The following BOK variants were observed in gnomAD, a reference collection of about 807,000 sequenced individuals.
BOK encodes BCL2 family apoptosis regulator BOK.
BOK carries 20 observed loss-of-function variants against 18.3 expected under a neutral mutation model. The ratio of observed to expected loss-of-function variants is 1.09; its 90% CI spans 0.77 to 1.59. The LOEUF (loss-of-function observed/expected upper bound fraction) is 1.59, where lower values mean the gene tolerates loss of function less well. BOK is among the 40% of genes most tolerant of loss of function. The pLI is 0.00. For synonymous variants in BOK, 173 were observed against 142.4 expected, an observed-to-expected ratio of 1.21 and a Z score of -1.53; for missense variants, 348 against 307.9, an observed-to-expected ratio of 1.13 and a Z score of -0.97.
intron 3 of BOK, among the ~76,000 whole-genome samples, chr2:241,563,966 G>A (rs908892192): frequency 6.6e-6 from 1 of 152,144 alleles, no homozygotes; most frequent in Non-Finnish European, 1.5e-5. Flanking sequence ...CGTCTCCTCC[G>A]ACCCCTGGTG....
At chr2:241,557,581 G>C (rs1347676259), upstream of BOK, among the ~76,000 whole-genome samples, 2 of 151,700 alleles carry the variant, frequency 1.3e-5, no homozygotes, top group Non-Finnish European at 2.9e-5. Context: ...CAAAATGCTG[G>C]GATTACAGGT....
chr2:241,572,168 G>A (rs530853985), intron 4 of BOK, 129 bp from the exon 5 acceptor site: 29 of 1,403,360 alleles, frequency 2.1e-5, no homozygotes, highest in East Asian at 5.0e-5. Context: ...CCTCCTTCCC[G>A]AACAGTCTCC....
intron 3 of BOK, among the ~76,000 whole-genome samples, chr2:241,565,625 C>T (rs2066598735): frequency 6.6e-6 from 1 of 152,222 alleles, no homozygotes; most frequent in African/African-American, 2.4e-5. Flanking sequence ...GGTGTGCGCC[C>T]TGCCCAGCCC....
At position 241,567,077 on chromosome 2, in the gene BOK, C is replaced by CCTGTCTTT. The variant is rs1382309611; in HGVS notation, c.350-3045_350-3038dup. On this transcript the variant is annotated intron_variant, in intron 3 of 4. Transcript: ENST00000318407. ...GCTGGTGCCTCCGGACTCCTGTCTT[C>CCTGTCTTT]CTGTCTTTCTTTCCCATCCACCCCT... is the stretch of plus-strand genomic sequence containing the variant. 1.5e-5 allele frequency among the ~76,000 whole-genome samples: 2 copies of CCTGTCTTT among 133,596 alleles called. 1 individual carries two copies. The highest frequency in any genetic ancestry group is 5.9e-5 in the African/African-American group (2 of 33,936). 87.6% of individuals were successfully genotyped at this position (133,596 alleles called of 152,430 possible). A position where few individuals can be genotyped will look rare whatever the true frequency, so the allele number is the denominator to read the frequency against.
Position 241,574,093 on chromosome 2 carries a change from G to A in BOK, c.*1671G>A, listed in dbSNP as rs1005885789. The A allele has an allele frequency of 5.3e-5, 8 of 152,242 alleles. No individual in the cohort carries two copies. The highest frequency in any genetic ancestry group is 7.3e-5 in the Non-Finnish European group (5 of 68,066). The allele number at this position is 152,242 out of a possible 1,614,324, so 9.4% of individuals were successfully genotyped here. On this transcript the variant is annotated 3_prime_UTR_variant, in exon 5 of 5. Transcript: ENST00000318407. ...CATTGAGATCCCACTGGAGGGTAGG[G>A]GTGGTAATAAACTTCTCCAAACGAT...
intron 2 of BOK, 103 bp downstream of exon 2, chr2:241,559,806 C>G (rs1439208398): frequency 8.2e-7 from 1 of 1,217,656 alleles, no homozygotes; most frequent in Non-Finnish European, 1.0e-6. Context: ...GCGCCCACCC[C>G]CTGCCTGGGA....
chr2:241,552,645 G>A (rs1332339474), intron 1 of BOK, among the ~76,000 whole-genome samples: 2 of 152,196 alleles, frequency 1.3e-5, no homozygotes, highest in African/African-American at 4.8e-5. Context: ...CTGCAAGTAT[G>A]TACTTTCCCC....
Position 241,573,599 on chromosome 2 carries a change from G to C in BOK, c.*1177G>C, listed in dbSNP as rs1460280483. ...TTGTGCGGTGGGGACCGGGGCCGGCGGGCTCCAGGCCAGCACACCTAACCC... is the reference window on the plus strand; with the variant it reads ...TTGTGCGGTGGGGACCGGGGCCGGCCGGCTCCAGGCCAGCACACCTAACCC... On this transcript the variant is annotated 3_prime_UTR_variant, in exon 5 of 5. Transcript: ENST00000318407. 1 of 152,320 alleles carries C rather than the reference G, an allele frequency of 6.6e-6. No individual in the cohort carries two copies. Among genetic ancestry groups the C allele is most frequent in the Non-Finnish European group, 1.5e-5 (1 of 68,136 alleles). 9.4% of individuals were successfully genotyped at this position (152,320 alleles called of 1,614,324 possible). A position where few individuals can be genotyped will look rare whatever the true frequency, so the allele number is the denominator to read the frequency against.
Position 241,560,256 on chromosome 2 carries a change from G to A in BOK, c.220+553G>A, listed in dbSNP as rs527837076. ...ACACGGTCCACTGGCTGCCCCCACCGTCTCCAAGGTCTGGACCCAAGAGGG... is the reference window on the plus strand; with the variant it reads ...ACACGGTCCACTGGCTGCCCCCACCATCTCCAAGGTCTGGACCCAAGAGGG... On this transcript the variant is annotated intron_variant, in intron 2 of 4. Transcript: ENST00000318407. The A allele has an allele frequency of 4.3e-5, 42 of 985,422 alleles. No homozygotes were observed. The South Asian group carries it at 8.5e-4, about 20-fold the overall frequency. The allele number at this position is 985,422 out of a possible 1,614,324, so 61.0% of individuals were successfully genotyped here.
rs115662080 is a variant in BOK, at chr2:241,567,129, G to A, written c.350-2996G>A. ...TGGAGTGGAAATGTTGCCATCACTC[G>A]GAACATAGTATGTTCTTTTTTTTTT... On this transcript the variant is annotated intron_variant, in intron 3 of 4. Coordinates refer to ENST00000318407, the MANE Select transcript of BOK (RefSeq NM_032515.5). Among the ~76,000 whole-genome samples the A allele has an allele frequency of 5.6e-3, 731 of 131,330 alleles. 168 individuals are homozygous for A. Among genetic ancestry groups the A allele is most frequent in the African/African-American group, 0.02 (658 of 33,054 alleles). 86.2% of individuals were successfully genotyped at this position (131,330 alleles called of 152,430 possible).
rs202219182 is a variant in BOK, at chr2:241,572,446, A to G, written c.*24A>G. 1.9e-6 allele frequency: 3 copies of G among 1,588,392 alleles called. No homozygotes were observed. The Admixed American group carries it at 5.1e-5, about 27-fold the overall frequency. ...GAGCTGCCCACCTGGCAGTGGCCGC[A>G]GCCTGGCCCTCTGGGCCCAACGCAG... On this transcript the variant is annotated 3_prime_UTR_variant, in exon 5 of 5. Transcript: ENST00000318407.
At chr2:241,568,428 A>AT (rs996405981) in intron 3 of BOK, among the ~76,000 whole-genome samples, 3 of 146,296 alleles carry the variant, frequency 2.1e-5, no homozygotes, top group Admixed American at 6.8e-5. Context: ...CCATTTATTT[A>AT]TTTTTTTGAG....
At chr2:241,572,146 C>T in intron 4 of BOK, 151 bp from the exon 5 acceptor site, 3 of 1,284,390 alleles carry the variant, frequency 2.3e-6, no homozygotes, top group Non-Finnish European at 3.2e-6. Flanking sequence ...AGCCTTCAGT[C>T]CAGGCCACAG....
chr2:241,559,700 C>A lies in BOK; in HGVS notation c.217C>A (p.Leu73Met), dbSNP rs2066496979. Reference sequence around the variant, plus strand: ...TGAGGTGTGCGCGGTGCTGCTGCGCCTGGGTGAGTGCGCCCTGGTGGGATC... The same window carrying A: ...TGAGGTGTGCGCGGTGCTGCTGCGCATGGGTGAGTGCGCCCTGGTGGGATC... ...LAEVCAVLLR[L>M]GDELEMIRPS... Residue 73 changes from leucine (L) to methionine (M), a missense_variant, in exon 2 of 5, where the codon CTG becomes ATG. Transcript: ENST00000318407. 3 of 1,318,764 alleles carry A rather than the reference C, an allele frequency of 2.3e-6. No individual in the cohort carries two copies. Among genetic ancestry groups the A allele is most frequent in the Admixed American group, 8.3e-5 (2 of 24,122 alleles). 81.7% of individuals were successfully genotyped at this position (1,318,764 alleles called of 1,614,324 possible).
chr2:241,570,144 G>C lies in BOK; in HGVS notation c.369G>C (p.Val123=). Residue 123 remains valine, a synonymous_variant, in exon 4 of 5, where the codon GTG becomes GTC. Coordinates refer to ENST00000318407, the MANE Select transcript of BOK (RefSeq NM_032515.5). ...CTGCAGGCATCACGTGGGGCAAGGTGGTGTCCCTGTATGCGGTGGCCGCGG... is the reference window on the plus strand; with the variant it reads ...CTGCAGGCATCACGTGGGGCAAGGTCGTGTCCCTGTATGCGGTGGCCGCGG... ...IFSAGITWGK[V]VSLYAVAAGL... The C allele has an allele frequency of 1.2e-6, 2 of 1,611,712 alleles. No homozygotes were observed. The highest frequency in any genetic ancestry group is 2.7e-5 in the African/African-American group (2 of 74,984).
At chr2:241,556,581 C>CAA (rs55866928), upstream of BOK, among the ~76,000 whole-genome samples, 18,432 of 86,024 alleles carry the variant, frequency 0.21, 2,755 homozygotes, top group East Asian at 0.47. Flanking sequence ...GACTCCGTCT[C>CAA]AAAAAAAAAA....
rs1405979024 is a variant in BOK, at chr2:241,562,396, G to A, written c.269G>A (p.Arg90His). Residue 90 changes from arginine (R) to histidine (H), a missense_variant, in exon 3 of 5, where the codon CGT (arginine) becomes CAT (histidine). Arg to His is a conservative substitution (Grantham distance 29). Transcript: ENST00000318407. This position sits in a 1 kb window ranked among gnomAD's most constrained non-coding sequence, Gnocchi z 4.5. ...CCCAGCGTCTACCGCAACGTGGCGC[G>A]TCAGCTGCACATCTCCCTGCAGTCT... ...IRPSVYRNVARQLHISLQSEP... is the reference protein window; with the variant it reads ...IRPSVYRNVAHQLHISLQSEP... 3.3e-5 allele frequency: 53 copies of A among 1,611,850 alleles called. No individual in the cohort carries two copies. The highest frequency in any genetic ancestry group is 4.4e-5 in the Non-Finnish European group (52 of 1,179,774).
Position 241,572,222 on chromosome 2 carries a change from G to A in BOK, c.514-75G>A, listed in dbSNP as rs189930460. Reference sequence around the variant, plus strand: ...TTTTGCTGATATTCTGGTGCACGGTGCTGGGGGGCCTGGCGGTGCTGGGGG... The same window carrying A: ...TTTTGCTGATATTCTGGTGCACGGTACTGGGGGGCCTGGCGGTGCTGGGGG... On this transcript the variant is annotated intron_variant, in intron 4 of 4. Coordinates refer to ENST00000318407, the MANE Select transcript of BOK (RefSeq NM_032515.5). The A allele has an allele frequency of 4.1e-5, 65 of 1,582,254 alleles. 1 individual carries two copies. The East Asian group carries it at 1.5e-3, about 36-fold the overall frequency.
chr2:241,556,158 A>G (rs1178173547), upstream of BOK, among the ~76,000 whole-genome samples: 1 of 152,228 alleles, frequency 6.6e-6, no homozygotes, highest in Non-Finnish European at 1.5e-5. Flanking sequence ...TGAGGCGCAC[A>G]CTGTCCAAGG....
Sources: allele counts gnomAD v4.1 joint callset (sites outside exome capture counted in the v4.1 genomes callset), GRCh38; gene constraint gnomAD v4.1.1; non-coding constraint Gnocchi (gnomAD v3.1); transcripts MANE v1.5; gene names NCBI Gene and HGNC (gene_info 2026-07-23, HGNC 2026-07-21).